Variants in PLEKHA5 observed in about 807,000 individuals in gnomAD.
PLEKHA5 encodes the protein pleckstrin homology domain containing A5, also known as pleckstrin homology domain-containing family A member 5.
A neutral mutation model predicts 181.9 loss-of-function variants in PLEKHA5; 55 were observed. The observed-to-expected ratio is 0.30, with a 90% confidence interval of 0.24 to 0.38. PLEKHA5 has a LOEUF of 0.38. Ranked by LOEUF, PLEKHA5 falls within the 10% of genes least tolerant of loss-of-function variation. The pLI, the probability that PLEKHA5 is intolerant of heterozygous loss-of-function variation, is 1.00. For synonymous variants in PLEKHA5, 535 were observed against 529.4 expected (o/e 1.01, Z -0.15); for missense variants, 1,432 against 1,549.5 (o/e 0.92, Z 1.27).
chr12:19,359,667 A>G (rs2095125181), intron 28 of PLEKHA5, 121 bp downstream of exon 28: 5 of 1,031,742 alleles, frequency 4.8e-6, no homozygotes, highest in Non-Finnish European at 7.0e-6. Context: ...AGCTAAATGA[A>G]AAAATAAGCT....
chr12:19,203,887 C>T (rs114822282), intron 3 of PLEKHA5, among the ~76,000 whole-genome samples: 1,541 of 152,054 alleles, frequency 0.01, 17 homozygotes, highest in African/African-American at 0.035. Context: ...TTTTCACTTT[C>T]TCATTTAGGA....
intron 6 of PLEKHA5, among the ~76,000 whole-genome samples, chr12:19,260,186 G>C (rs1407282187): frequency 6.6e-6 from 1 of 152,080 alleles, no homozygotes; most frequent in African/African-American, 2.4e-5. Flanking sequence ...AATTGCATTT[G>C]TATATTAAGG....
chr12:19,316,445 A>C (rs1459713851), intron 16 of PLEKHA5, among the ~76,000 whole-genome samples: 1 of 152,168 alleles, frequency 6.6e-6, no homozygotes, highest in Non-Finnish European at 1.5e-5. Flanking sequence ...GGGAAAGTGA[A>C]GATGTCTGAG....
intron 3 of PLEKHA5, among the ~76,000 whole-genome samples, chr12:19,240,641 A>T (rs916742587): frequency 1.4e-3 from 210 of 149,292 alleles, no homozygotes; most frequent in African/African-American, 4.2e-3. Context: ...TATTATTATT[A>T]TTATTTTTTT....
chr12:19,264,516 A>G (rs1375524717), intron 7 of PLEKHA5, among the ~76,000 whole-genome samples: 1 of 152,216 alleles, frequency 6.6e-6, no homozygotes, highest in African/African-American at 2.4e-5. Context: ...TTAAATTGTC[A>G]CATTCTCTGT....
chr12:19,196,460 T>C (rs558564425), intron 3 of PLEKHA5, among the ~76,000 whole-genome samples: 33 of 152,300 alleles, frequency 2.2e-4, no homozygotes, highest in Admixed American at 2.0e-3. Flanking sequence ...ATAAAAAATA[T>C]CATATCTAGC....
At chr12:19,266,106 A>G (rs2070272142) in intron 8 of PLEKHA5, among the ~76,000 whole-genome samples, 2 of 152,154 alleles carry the variant, frequency 1.3e-5, no homozygotes, top group African/African-American at 4.8e-5. Context: ...CAGAATGCTA[A>G]TAATTGATGA....
intron 6 of PLEKHA5, 40 bp from the exon 7 acceptor site, chr12:19,260,909 T>A (rs1476515452): frequency 8.4e-7 from 1 of 1,195,054 alleles, no homozygotes; most frequent in African/African-American, 1.5e-5. Context: ...GAGTTTTTGT[T>A]GTTTGAGAAA....
At chr12:19,320,535 A>C in intron 17 of PLEKHA5, 27 bp from the exon 18 acceptor site, 1 of 1,112,444 alleles carries the variant, frequency 9.0e-7, no homozygotes, top group African/African-American at 1.6e-5. Flanking sequence ...AGATTTTTTA[A>C]GTTGCTATAT....
At chr12:19,236,919 C>G (rs1177346605) in intron 3 of PLEKHA5, 2 of 152,168 alleles carry the variant, frequency 1.3e-5, no homozygotes, top group Admixed American at 6.5e-5. Flanking sequence ...TGCTTCATCC[C>G]CACAGTGCTC....
At position 19,283,547 on chromosome 12, in the gene PLEKHA5, C is replaced by CAGT. The variant is rs2076614704; in HGVS notation, c.1583_1585dup (p.Ser528dup). The CAGT allele has an allele frequency of 6.2e-7, 1 of 1,614,192 alleles. No individual in the cohort carries two copies. The highest frequency in any genetic ancestry group is 1.3e-5 in the African/African-American group (1 of 75,068). ...ACAAACAGAGCACCCTCCCTCGACA[C>CAGT]AGTACTTTGAGTAGTCCCAAAACCA... On this transcript the variant is annotated inframe_insertion, in exon 12 of 32. Coordinates refer to ENST00000429027, the MANE Select transcript of PLEKHA5 (RefSeq NM_001256470.2).
intron 3 of PLEKHA5, among the ~76,000 whole-genome samples, chr12:19,240,888 A>G (rs1408096057): frequency 6.6e-6 from 1 of 152,158 alleles, no homozygotes; most frequent in African/African-American, 2.4e-5. Context: ...ATATTTTTAT[A>G]CAAGTGACTC....
At position 19,358,093 on chromosome 12, in the gene PLEKHA5, T is replaced by C. The variant is rs1165498235; in HGVS notation, c.3139-135T>C. ...AATTTCATGTGCCTTTCTGGTGATA[T>C]CTAAATGACATTCAAAACCTCTTCT... On this transcript the variant is annotated intron_variant, in intron 26 of 31. Coordinates refer to ENST00000429027, the MANE Select transcript of PLEKHA5 (RefSeq NM_001256470.2). 6 of 643,858 alleles carry C rather than the reference T, an allele frequency of 9.3e-6. No individual in the cohort carries two copies. The South Asian group carries it at 1.0e-4, about 11-fold the overall frequency. The allele number at this position is 643,858 out of a possible 1,614,324, so 39.9% of individuals were successfully genotyped here.
intron 15 of PLEKHA5, chr12:19,306,389 C>T (rs974781161): frequency 7.6e-6 from 4 of 524,886 alleles, no homozygotes; most frequent in African/African-American, 1.9e-5. Flanking sequence ...CCCTCCCCCG[C>T]GGCGTGCAGT....
intron 3 of PLEKHA5, among the ~76,000 whole-genome samples, chr12:19,179,703 A>G (rs1193920951): frequency 1.3e-5 from 2 of 152,078 alleles, no homozygotes; most frequent in Admixed American, 6.5e-5. Flanking sequence ...GTTAAATATA[A>G]ATGTTTAGAG....
At chr12:19,181,545 CG>C (rs2048584164) in intron 3 of PLEKHA5, among the ~76,000 whole-genome samples, 1 of 152,070 alleles carries the variant, frequency 6.6e-6, no homozygotes, top group African/African-American at 2.4e-5. Flanking sequence ...GAGGCCTAGG[CG>C]GGTGGATCAC....
intron 15 of PLEKHA5, 180 bp from the exon 16 acceptor site, chr12:19,314,634 C>A (rs1023402346): frequency 5.2e-6 from 3 of 582,512 alleles, no homozygotes; most frequent in Admixed American, 2.5e-5. Flanking sequence ...TATTTCACAG[C>A]GTTTAATACT....
rs1331350338 is a variant in PLEKHA5, at chr12:19,305,666, C to CT, written c.2038-9147dup. Among the ~76,000 whole-genome samples, 18 of 151,970 alleles carry CT rather than the reference C, an allele frequency of 1.2e-4. 1 individual carries two copies. In the South Asian group the frequency reaches 2.9e-3, roughly 25 times the overall value. On this transcript the variant is annotated intron_variant, in intron 15 of 31. Coordinates refer to ENST00000429027, the MANE Select transcript of PLEKHA5 (RefSeq NM_001256470.2). ...CTGAGATCAGGAGTTTGAGACCAGC[C>CT]TGACTACCGTGGAGAAACCCCGTCT...
Position 19,130,155 on chromosome 12 carries a change from G to A in PLEKHA5, c.169+25G>A. The A allele has an allele frequency of 4.7e-6, 7 of 1,491,530 alleles. No individual in the cohort carries two copies. The highest frequency in any genetic ancestry group is 6.3e-6 in the Non-Finnish European group (7 of 1,106,400). 92.4% of individuals were successfully genotyped at this position (1,491,530 alleles called of 1,614,324 possible). ...GGTAACGCCGGGCCCAAACGGAGTT[G>A]GGCTCCGCCTGGAGGAGGCGGCAGA... On this transcript the variant is annotated intron_variant, in intron 2 of 31. Transcript: ENST00000429027. This position sits in a 1 kb window ranked among gnomAD's most constrained non-coding sequence, Gnocchi z 4.5.
Sources: allele counts gnomAD v4.1 joint callset (sites outside exome capture counted in the v4.1 genomes callset), GRCh38; gene constraint gnomAD v4.1.1; non-coding constraint Gnocchi (gnomAD v3.1); transcripts MANE v1.5; gene names NCBI Gene and HGNC (gene_info 2026-07-23, HGNC 2026-07-21).